Variants in SMARCAD1 observed in about 807,000 individuals in gnomAD.
SMARCAD1 encodes SWI/SNF-related matrix-associated actin-dependent regulator of chromatin subfamily A containing DEAD/H box 1.
SMARCAD1 carries 25 observed loss-of-function variants against 127.1 expected under a neutral mutation model. That is an observed-to-expected ratio of 0.20 (90% CI 0.14 to 0.27). SMARCAD1 has a LOEUF of 0.27. Among genes scored for constraint, SMARCAD1 ranks in the 10% least tolerant of loss-of-function variants. The probability of loss-of-function intolerance (pLI) is 1.00; values close to 1 mark genes in which losing one functional copy is unlikely to be tolerated. For missense variants in SMARCAD1, 807 were observed against 1,206.0 expected (o/e 0.67, Z 4.90); for synonymous variants, 400 against 396.9 (o/e 1.01, Z -0.09).
At chr4:94,256,114 A>C (rs1460279042) in intron 9 of SMARCAD1, among the ~76,000 whole-genome samples, 2 of 152,178 alleles carry the variant, frequency 1.3e-5, no homozygotes, top group Non-Finnish European at 2.9e-5. Flanking sequence ...GTCTGTGAAA[A>C]ATACTACTCT....
intron 23 of SMARCAD1, among the ~76,000 whole-genome samples, 158 bp downstream of exon 23, chr4:94,285,227 C>T (rs1384337424): frequency 6.6e-6 from 1 of 152,148 alleles, no homozygotes; most frequent in Non-Finnish European, 1.5e-5. Context: ...TTTCAAAATA[C>T]TAAAATAATT....
chr4:94,251,774 A>G (rs557326733), intron 8 of SMARCAD1, among the ~76,000 whole-genome samples: 1 of 152,354 alleles, frequency 6.6e-6, no homozygotes, highest in East Asian at 1.9e-4. Flanking sequence ...ATTCACAGGC[A>G]TCTTAGAATT....
chr4:94,208,208 CAATG>C, intron 1 of SMARCAD1, 134 bp from the exon 2 acceptor site: 1 of 728,150 alleles, frequency 1.4e-6, no homozygotes, highest in Non-Finnish European at 2.5e-6. Flanking sequence ...TGCGGCCTAA[CAATG>C]AAGCGCAGCC....
At chr4:94,282,972 A>G in intron 21 of SMARCAD1, 149 bp from the exon 22 acceptor site, 1 of 651,126 alleles carries the variant, frequency 1.5e-6, no homozygotes, top group Non-Finnish European at 2.6e-6. Flanking sequence ...GAGGCTCTTC[A>G]GTGATATAGC....
Position 94,249,678 on chromosome 4 carries a change from GAA to G in SMARCAD1, c.731_732del (p.Glu244ValfsTer2). 6.2e-7 allele frequency: 1 copy of G among 1,605,616 alleles called. No individual in the cohort carries two copies. Among genetic ancestry groups the G allele is most frequent in the Non-Finnish European group, 8.5e-7 (1 of 1,172,888 alleles). On this transcript the variant is annotated frameshift_variant, in exon 7 of 24. Transcript: ENST00000354268. LOFTEE classifies it high-confidence loss of function. The part of the protein sequence containing the change: ...DHGEESNESA[E>X]SSSNWEKQES... ...GGGAGAGGAATCAAATGAGTCTGCA[GAA>G]TCTAGCAGTAATTGGGAAAAGCAGG... is the stretch of plus-strand genomic sequence containing the variant.
chr4:94,242,827 G>A (rs1747801317), intron 6 of SMARCAD1, among the ~76,000 whole-genome samples: 1 of 152,050 alleles, frequency 6.6e-6, no homozygotes, highest in Non-Finnish European at 1.5e-5. Context: ...AAGGAGGGAG[G>A]ATTACTTGAG....
intron 8 of SMARCAD1, among the ~76,000 whole-genome samples, chr4:94,252,129 C>T (rs892492377): frequency 3.9e-5 from 6 of 152,182 alleles, no homozygotes; most frequent in African/African-American, 7.2e-5. Context: ...GGATTACAGG[C>T]GTGAGCCACC....
At chr4:94,217,366 C>T (rs1339104148) in intron 2 of SMARCAD1, among the ~76,000 whole-genome samples, 1 of 152,004 alleles carries the variant, frequency 6.6e-6, no homozygotes, top group Non-Finnish European at 1.5e-5. Context: ...TTAATCTGTT[C>T]CTCTAATCTT....
At chr4:94,266,413 A>G (rs1334203541) in intron 10 of SMARCAD1, among the ~76,000 whole-genome samples, 1 of 152,160 alleles carries the variant, frequency 6.6e-6, no homozygotes. Context: ...GAAATACTTA[A>G]TAGATGAGAA....
At chr4:94,256,003 A>G (rs1274428810) in intron 9 of SMARCAD1, among the ~76,000 whole-genome samples, 1 of 152,174 alleles carries the variant, frequency 6.6e-6, no homozygotes, top group South Asian at 2.1e-4. Flanking sequence ...AAAAATTGGA[A>G]TTTTTATTGC....
intron 6 of SMARCAD1, among the ~76,000 whole-genome samples, chr4:94,246,778 G>C (rs1168991785): frequency 6.6e-6 from 1 of 152,152 alleles, no homozygotes; most frequent in Non-Finnish European, 1.5e-5. Context: ...AAGTCCATGA[G>C]TACTGTATTA....
intron 9 of SMARCAD1, among the ~76,000 whole-genome samples, chr4:94,257,598 A>G (rs535932723): frequency 3.3e-5 from 5 of 152,062 alleles, no homozygotes; most frequent in African/African-American, 9.6e-5. Context: ...CAAATTGTTT[A>G]TTTACTTTTT....
At chr4:94,246,868 T>C (rs13434570) in intron 6 of SMARCAD1, among the ~76,000 whole-genome samples, 83,322 of 151,986 alleles carry the variant, frequency 0.55, 23,342 homozygotes, top group East Asian at 0.72. Context: ...AAACGGATTG[T>C]TTCTGTTTGA....
At chr4:94,226,400 T>A in intron 3 of SMARCAD1, 104 bp downstream of exon 3, 1 of 698,890 alleles carries the variant, frequency 1.4e-6, no homozygotes, top group Non-Finnish European at 2.1e-6. Flanking sequence ...TTTTTTTTTT[T>A]TCTTTTTTTT....
rs895544770 is a variant in SMARCAD1, at chr4:94,289,996, T to G, written c.*462T>G. ...AGTTCTTTTTTATTATGTTAAAGAA[T>G]GCAGCTGTATAGATTATATAGCTTT... On this transcript the variant is annotated 3_prime_UTR_variant, in exon 24 of 24. Transcript: ENST00000354268. 4 of 454,390 alleles carry G rather than the reference T, an allele frequency of 8.8e-6. No homozygotes were observed. Among genetic ancestry groups the G allele is most frequent in the Non-Finnish European group, 1.3e-5 (3 of 226,778 alleles). 28.1% of individuals were successfully genotyped at this position (454,390 alleles called of 1,614,324 possible).
intron 3 of SMARCAD1, among the ~76,000 whole-genome samples, chr4:94,228,254 CA>C (rs547669815): frequency 8.0e-5 from 12 of 149,388 alleles, no homozygotes; most frequent in East Asian, 3.9e-4. Context: ...AGAAAAGTTG[CA>C]AAAAAAAATG....
chr4:94,216,715 CA>C (rs1743264462), intron 2 of SMARCAD1, among the ~76,000 whole-genome samples: 1 of 152,178 alleles, frequency 6.6e-6, no homozygotes, highest in African/African-American at 2.4e-5. Flanking sequence ...CATCACTTAG[CA>C]TAACATCCCC....
chr4:94,280,306 C>T (rs1326666070), intron 19 of SMARCAD1, among the ~76,000 whole-genome samples: 3 of 152,138 alleles, frequency 2.0e-5, no homozygotes, highest in African/African-American at 7.2e-5. Context: ...TAACACCACC[C>T]TTGTTTCATC....
chr4:94,215,658 T>C (rs953667235), intron 2 of SMARCAD1, among the ~76,000 whole-genome samples: 1 of 151,524 alleles, frequency 6.6e-6, no homozygotes, highest in African/African-American at 2.4e-5. Flanking sequence ...GATAGAAATA[T>C]TATTTTAGTC....
Sources: allele counts gnomAD v4.1 joint callset (sites outside exome capture counted in the v4.1 genomes callset), GRCh38; gene constraint gnomAD v4.1.1; transcripts MANE v1.5; gene names NCBI Gene and HGNC (gene_info 2026-07-23, HGNC 2026-07-21).